RGS7: variants seen among roughly 807,000 people sequenced by gnomAD.
RGS7 encodes regulator of G protein signaling 7.
RGS7 carries 27 observed loss-of-function variants against 81.1 expected under a neutral mutation model. That is an observed-to-expected ratio of 0.33 (90% confidence interval 0.25 to 0.46). The LOEUF (loss-of-function observed/expected upper bound fraction) is 0.46. Ranked by LOEUF, RGS7 falls within the 20% of genes least tolerant of loss-of-function variation. The probability of loss-of-function intolerance (pLI) is 1.00; values close to 1 mark genes in which losing one functional copy is unlikely to be tolerated. For missense variants in RGS7, 396 were observed against 607.4 expected (o/e 0.65, Z 3.66); for synonymous variants, 208 against 207.7 (o/e 1.00, Z -0.01).
intron 3 of RGS7, among the ~76,000 whole-genome samples, chr1:240,985,127 C>T (rs1685462555): frequency 6.6e-6 from 1 of 152,226 alleles, no homozygotes; most frequent in Non-Finnish European, 1.5e-5. Flanking sequence ...TATCTGGAAG[C>T]ACGATCTTCC....
chr1:241,299,991 T>C (rs967596874), intron 2 of RGS7, among the ~76,000 whole-genome samples: 1 of 147,320 alleles, frequency 6.8e-6, no homozygotes, highest in Admixed American at 6.8e-5. Flanking sequence ...GGTACACACT[T>C]GTAATACCAG....
At chr1:241,309,517 C>T (rs2080382534) in intron 2 of RGS7, among the ~76,000 whole-genome samples, 1 of 151,952 alleles carries the variant, frequency 6.6e-6, no homozygotes, top group Non-Finnish European at 1.5e-5. Flanking sequence ...AGTTCACTAC[C>T]AAAAGAAATT....
intron 2 of RGS7, among the ~76,000 whole-genome samples, chr1:241,190,059 C>CCT (rs2072506455): frequency 6.6e-6 from 1 of 151,882 alleles, no homozygotes; most frequent in Non-Finnish European, 1.5e-5. Context: ...GCCGAGATGG[C>CCT]GCCACTGCAC....
intron 2 of RGS7, among the ~76,000 whole-genome samples, chr1:241,264,113 G>A (rs575026544): frequency 2.6e-4 from 40 of 152,266 alleles, no homozygotes; most frequent in African/African-American, 9.6e-4. Context: ...ACTATTCACT[G>A]AGCAATTAAT....
At chr1:241,306,449 C>A (rs28545821) in intron 2 of RGS7, among the ~76,000 whole-genome samples, 2,330 of 148,786 alleles carry the variant, frequency 0.016, 63 homozygotes, top group African/African-American at 0.054. Context: ...CACCCCCACA[C>A]AGGCACATAT....
chr1:241,120,624 G>A (rs1004588081), intron 2 of RGS7, among the ~76,000 whole-genome samples: 1 of 152,100 alleles, frequency 6.6e-6, no homozygotes, highest in Admixed American at 6.6e-5. Flanking sequence ...GGAATTACAG[G>A]CATGAGCCAC....
intron 2 of RGS7, among the ~76,000 whole-genome samples, chr1:241,110,881 C>T (rs752867146): frequency 1.3e-5 from 2 of 152,034 alleles, no homozygotes; most frequent in Middle Eastern, 3.2e-3. Flanking sequence ...GATGGGGTTT[C>T]ACCATGTTAT....
chr1:240,795,341 A>T (rs907750550), intron 18 of RGS7, among the ~76,000 whole-genome samples: 5 of 152,230 alleles, frequency 3.3e-5, no homozygotes, highest in African/African-American at 1.2e-4. Context: ...TTCTTCACTG[A>T]CTGAAGACTA....
At chr1:241,316,753 T>A (rs35681504) in intron 2 of RGS7, among the ~76,000 whole-genome samples, 32,233 of 152,140 alleles carry the variant, frequency 0.21, 3,683 homozygotes, top group Non-Finnish European at 0.26. Context: ...AGTTTTTGTA[T>A]TGGGTTAATG....
intron 4 of RGS7, among the ~76,000 whole-genome samples, chr1:240,943,952 A>G (rs778065998): frequency 2.6e-4 from 40 of 152,114 alleles, no homozygotes; most frequent in Non-Finnish European, 5.0e-4. Context: ...AGGACTAAAA[A>G]AAGAAAATCG....
intron 3 of RGS7, among the ~76,000 whole-genome samples, chr1:241,097,045 A>G (rs1358251318): frequency 6.6e-6 from 1 of 152,114 alleles, no homozygotes; most frequent in Non-Finnish European, 1.5e-5. Flanking sequence ...AATGGAGCTT[A>G]AGGTTTAGCT....
chr1:241,135,344 G>A (rs948916569), intron 2 of RGS7, among the ~76,000 whole-genome samples: 124 of 152,116 alleles, frequency 8.2e-4, no homozygotes, highest in African/African-American at 2.8e-3. Context: ...GGAGAATGGC[G>A]TGAACCCGGG....
intron 3 of RGS7, among the ~76,000 whole-genome samples, chr1:241,043,299 A>T (rs1000122878): frequency 9.2e-5 from 14 of 151,888 alleles, no homozygotes; most frequent in Admixed American, 2.0e-4. Context: ...TTTGTCTCAA[A>T]TTGTGTAGCT....
Position 241,150,388 on chromosome 1 carries a change from G to A in RGS7, c.79-51626C>T, listed in dbSNP as rs2068658199. ...ATCTCAGTTTTGCCTAAGGCCCCAA[G>A]TCCTTGTTTATCAGGATTTGAAAAC... On this transcript the variant is annotated intron_variant, in intron 2 of 18. Coordinates refer to ENST00000440928, the MANE Select transcript of RGS7 (RefSeq NM_001364886.1). Among the ~76,000 whole-genome samples the A allele has an allele frequency of 3.3e-5, 5 of 152,048 alleles. No individual in the cohort carries two copies. In the South Asian group the frequency reaches 1.0e-3, roughly 32 times the overall value.
intron 18 of RGS7, among the ~76,000 whole-genome samples, chr1:240,790,507 G>A (rs1198658782): frequency 6.6e-6 from 1 of 152,098 alleles, no homozygotes; most frequent in Non-Finnish European, 1.5e-5. Flanking sequence ...ACTTGAGGGA[G>A]GTGATGTAAA....
intron 2 of RGS7, among the ~76,000 whole-genome samples, chr1:241,219,024 G>A (rs2074737957): frequency 6.6e-6 from 1 of 152,150 alleles, no homozygotes; most frequent in African/African-American, 2.4e-5. Flanking sequence ...CTTTCTGGGG[G>A]AGTTTTGCAG....
chr1:241,187,467 G>A (rs1479918560), intron 2 of RGS7, among the ~76,000 whole-genome samples: 2 of 152,092 alleles, frequency 1.3e-5, no homozygotes, highest in African/African-American at 2.4e-5. Context: ...GAGAAAAAAT[G>A]ATTAAATATC....
At chr1:240,880,747 G>A (rs1008832714) in intron 6 of RGS7, among the ~76,000 whole-genome samples, 1 of 152,130 alleles carries the variant, frequency 6.6e-6, no homozygotes, top group African/African-American at 2.4e-5. Flanking sequence ...TCCATCCAAT[G>A]CTAATTTCTC....
chr1:241,241,842 A>G (rs2148143077), intron 2 of RGS7, among the ~76,000 whole-genome samples: 1 of 151,876 alleles, frequency 6.6e-6, no homozygotes, highest in Middle Eastern at 3.4e-3. Flanking sequence ...AATCTAACCT[A>G]TTTTGTTTTC....
Sources: allele counts gnomAD v4.1 joint callset (sites outside exome capture counted in the v4.1 genomes callset), GRCh38; gene constraint gnomAD v4.1.1; transcripts MANE v1.5; gene names NCBI Gene and HGNC (gene_info 2026-07-23, HGNC 2026-07-21).